Variants in PCDHA13 observed in about 807,000 individuals in gnomAD.
The protein encoded by PCDHA13 is protocadherin alpha-13.
PCDHA13 carries 54 observed loss-of-function variants against 64.8 expected under a neutral mutation model. The ratio of observed to expected loss-of-function variants is 0.83; its 90% confidence interval spans 0.67 to 1.04. The LOEUF (loss-of-function observed/expected upper bound fraction) is 1.04, where lower values mean the gene tolerates loss of function less well. Among genes scored for constraint, PCDHA13 ranks in the 50% least tolerant of loss-of-function variants. The pLI, the probability that PCDHA13 is intolerant of heterozygous loss-of-function variation, is 0.00. For synonymous variants in PCDHA13, 587 were observed against 564.4 expected (o/e 1.04, Z -0.57); for missense variants, 1,248 against 1,254.3 (o/e 0.99, Z 0.08).
chr5:140,897,289 C>T (rs1027792864), intron 1 of PCDHA13, among the ~76,000 whole-genome samples: 2 of 150,912 alleles, frequency 1.3e-5, no homozygotes, highest in Non-Finnish European at 3.0e-5. Flanking sequence ...CCCATTAACT[C>T]GTCATTTAGC....
chr5:140,943,751 TAGG>T (rs1284418706), intron 1 of PCDHA13, among the ~76,000 whole-genome samples: 1 of 152,048 alleles, frequency 6.6e-6, no homozygotes, highest in Non-Finnish European at 1.5e-5. Flanking sequence ...CTAAAAGCAG[TAGG>T]AGATGTAGGA....
chr5:140,912,635 T>G (rs1554195442), intron 1 of PCDHA13, among the ~76,000 whole-genome samples: 2 of 152,156 alleles, frequency 1.3e-5, no homozygotes, highest in Admixed American at 6.5e-5. Context: ...AGACTTTCAG[T>G]ACTATGTTGA....
At position 141,007,395 on chromosome 5, in the gene PCDHA13, C is replaced by CA. The variant is rs35800918; in HGVS notation, c.2543-2209dup. 5.3e-3 allele frequency among the ~76,000 whole-genome samples: 498 copies of CA among 94,810 alleles called. 4 individuals carry two copies. The highest frequency in any genetic ancestry group is 0.049 in the East Asian group (166 of 3,398). 62.2% of individuals were successfully genotyped at this position (94,810 alleles called of 152,430 possible). On this transcript the variant is annotated intron_variant, in intron 3 of 3. Transcript: ENST00000289272. The stretch of plus-strand genomic sequence containing the variant: ...ATGGAACACCATCTCTACTAAAATA[C>CA]AAAAAAAAAAAAAAAAAAAAAAATT...
At position 141,011,492 on chromosome 5, in the gene PCDHA13, A is replaced by T. The variant is rs2098420803; in HGVS notation, c.*1555A>T. On this transcript the variant is annotated 3_prime_UTR_variant, in exon 4 of 4. Coordinates refer to ENST00000289272, the MANE Select transcript of PCDHA13 (RefSeq NM_018904.3). ...AATTCCATTATATTTCCTTTTGTAC[A>T]CCTGTGAAAAAGTGGAGTAGTGTTT... The T allele has an allele frequency of 1.3e-5, 2 of 153,698 alleles. No individual in the cohort carries two copies. The highest frequency in any genetic ancestry group is 2.9e-5 in the Non-Finnish European group (2 of 68,026). 9.5% of individuals were successfully genotyped at this position (153,698 alleles called of 1,614,324 possible).
Position 140,946,375 on chromosome 5 carries a change from G to A in PCDHA13, c.2395-32574G>A, listed in dbSNP as rs531638250. Among the ~76,000 whole-genome samples, 14 of 151,710 alleles carry A rather than the reference G, an allele frequency of 9.2e-5. No homozygotes were observed. In the South Asian group the frequency reaches 2.9e-3, roughly 32 times the overall value. On this transcript the variant is annotated intron_variant, in intron 1 of 3. Transcript: ENST00000289272. ...TGGAGAAAAGGGAACTCTTGCACACGGTTGGTAGGAATGTAAATTAGTACA... is the reference window on the plus strand; with the variant it reads ...TGGAGAAAAGGGAACTCTTGCACACAGTTGGTAGGAATGTAAATTAGTACA...
chr5:140,961,632 A>T (rs373824042), intron 1 of PCDHA13, among the ~76,000 whole-genome samples: 2 of 152,214 alleles, frequency 1.3e-5, no homozygotes, highest in African/African-American at 4.8e-5. Context: ...ATGAAAAACA[A>T]TCTTAAGTCT....
chr5:140,957,133 A>G (rs1308855631), intron 1 of PCDHA13, among the ~76,000 whole-genome samples: 4 of 152,222 alleles, frequency 2.6e-5, no homozygotes, highest in African/African-American at 9.6e-5. Context: ...TTACTACACT[A>G]TGAACTAAAA....
chr5:140,932,398 T>TA (rs1472151465), intron 1 of PCDHA13, among the ~76,000 whole-genome samples: 1 of 151,960 alleles, frequency 6.6e-6, no homozygotes, highest in Non-Finnish European at 1.5e-5. Flanking sequence ...AGTTTCAACA[T>TA]ACCAATGTTA....
chr5:140,997,831 A>G (rs938860065), intron 3 of PCDHA13, among the ~76,000 whole-genome samples: 3 of 152,210 alleles, frequency 2.0e-5, no homozygotes, highest in African/African-American at 4.8e-5. Context: ...TTTCTAAACA[A>G]TACAATATAC....
At chr5:141,002,555 A>T (rs1349538713) in intron 3 of PCDHA13, among the ~76,000 whole-genome samples, 1 of 152,222 alleles carries the variant, frequency 6.6e-6, no homozygotes, top group African/African-American at 2.4e-5. Flanking sequence ...CCCAGGATCC[A>T]CCAGTTAGTG....
chr5:140,976,691 C>T (rs1219355793), intron 1 of PCDHA13, among the ~76,000 whole-genome samples: 1 of 152,126 alleles, frequency 6.6e-6, no homozygotes, highest in Non-Finnish European at 1.5e-5. Context: ...AATTTAAGTA[C>T]AATAATGTTG....
chr5:140,912,260 C>T (rs1451576363), intron 1 of PCDHA13, among the ~76,000 whole-genome samples: 2 of 152,160 alleles, frequency 1.3e-5, no homozygotes, highest in African/African-American at 4.8e-5. Context: ...TTTGATGACA[C>T]CCTCACAGAT....
intron 1 of PCDHA13, among the ~76,000 whole-genome samples, chr5:140,910,284 A>G (rs2153514340): frequency 6.6e-6 from 1 of 152,292 alleles, no homozygotes; most frequent in East Asian, 1.9e-4. Context: ...GAACACCATG[A>G]TTAATCAACA....
chr5:140,905,776 GT>G (rs1255347430), intron 1 of PCDHA13, among the ~76,000 whole-genome samples: 1 of 152,068 alleles, frequency 6.6e-6, no homozygotes, highest in African/African-American at 2.4e-5. Flanking sequence ...ATTCCGAAGT[GT>G]ATTAGTCAGG....
At chr5:140,983,034 C>T (rs923296416) in intron 3 of PCDHA13, among the ~76,000 whole-genome samples, 1 of 151,944 alleles carries the variant, frequency 6.6e-6, no homozygotes, top group Non-Finnish European at 1.5e-5. Context: ...GATGGTTTCT[C>T]ATGGAAGTGG....
chr5:140,999,712 C>T (rs1411166924), intron 3 of PCDHA13, among the ~76,000 whole-genome samples: 9 of 152,204 alleles, frequency 5.9e-5, no homozygotes, highest in African/African-American at 9.6e-5. Flanking sequence ...TAGCTAACTA[C>T]GGAGACCAGC....
intron 1 of PCDHA13, among the ~76,000 whole-genome samples, chr5:140,942,479 A>G (rs1341688235): frequency 6.6e-6 from 1 of 152,154 alleles, no homozygotes; most frequent in East Asian, 1.9e-4. Flanking sequence ...TTCAAGCTAC[A>G]ACTGAAATAA....
At chr5:141,006,483 G>T (rs1351534173) in intron 3 of PCDHA13, among the ~76,000 whole-genome samples, 1 of 152,126 alleles carries the variant, frequency 6.6e-6, no homozygotes, top group Non-Finnish European at 1.5e-5. Context: ...AAAGTGCTGG[G>T]ATTACATGTG....
chr5:140,901,953 G>T (rs545807968), intron 1 of PCDHA13, among the ~76,000 whole-genome samples: 1 of 151,712 alleles, frequency 6.6e-6, no homozygotes, highest in African/African-American at 2.4e-5. Flanking sequence ...AGTTTTATTC[G>T]TGGCTATCGT....
Sources: gnomAD v4.1 joint callset for allele counts (sites outside exome capture counted in the v4.1 genomes callset) on GRCh38, gnomAD v4.1.1 for gene constraint, MANE v1.5 for transcripts, NCBI Gene and HGNC (gene_info 2026-07-23, HGNC 2026-07-21) for gene names.